Variants in COL8A1 observed in about 807,000 individuals in gnomAD.
The protein encoded by COL8A1 is collagen type VIII alpha 1 chain, also known as collagen alpha-1(VIII) chain.
A neutral mutation model predicts 42.7 loss-of-function variants in COL8A1; 21 were observed. The ratio of observed to expected loss-of-function variants is 0.49; its 90% CI spans 0.35 to 0.71. COL8A1 has a LOEUF of 0.71. Ranked by LOEUF, COL8A1 falls within the 30% of genes least tolerant of loss-of-function variation. COL8A1 has a pLI of 0.01. For missense variants in COL8A1, 788 were observed against 962.4 expected (o/e 0.82, Z 2.40); for synonymous variants, 367 against 369.1 (o/e 0.99, Z 0.06).
chr3:99,686,355 A>G (rs1026596723), intron 1 of COL8A1, among the ~76,000 whole-genome samples: 1 of 152,252 alleles, frequency 6.6e-6, no homozygotes, highest in African/African-American at 2.4e-5. Context: ...AAAGTAGCTA[A>G]TCATTTATTA....
intron 1 of COL8A1, among the ~76,000 whole-genome samples, chr3:99,738,819 C>T (rs1451929088): frequency 6.6e-6 from 1 of 152,224 alleles, no homozygotes; most frequent in East Asian, 1.9e-4. Context: ...ACCCCTCCCC[C>T]AGCCTCGCTG....
chr3:99,795,932 T>C lies in COL8A1; in HGVS notation c.2031T>C (p.Ala677=), dbSNP rs754460957. ...VHCKGGNVWV[A]LFKNNEPVMY... is the part of the protein sequence containing the mutation. ...GCAAGGGGGGCAACGTGTGGGTTGCTCTATTCAAGAACAACGAGCCCGTGA... is the reference window on the plus strand; with the variant it reads ...GCAAGGGGGGCAACGTGTGGGTTGCCCTATTCAAGAACAACGAGCCCGTGA... Residue 677 remains alanine (A), a synonymous_variant, in exon 4 of 4, where the codon GCT becomes GCC. Transcript: ENST00000652472. 28 of 1,614,018 alleles carry C rather than the reference T, an allele frequency of 1.7e-5. No individual in the cohort carries two copies. The highest frequency in any genetic ancestry group is 9.3e-6 in the Non-Finnish European group (11 of 1,180,016).
intron 1 of COL8A1, among the ~76,000 whole-genome samples, chr3:99,692,746 G>C (rs531870993): frequency 2.7e-4 from 41 of 152,352 alleles, no homozygotes; most frequent in Non-Finnish European, 5.3e-4. Context: ...GATCACCATA[G>C]AGCTGAAGTC....
chr3:99,694,249 G>A (rs1436689630), intron 1 of COL8A1, among the ~76,000 whole-genome samples: 4 of 152,124 alleles, frequency 2.6e-5, no homozygotes, highest in Admixed American at 2.0e-4. Flanking sequence ...TTGGGAGACT[G>A]AGGCAGGCAG....
intron 1 of COL8A1, among the ~76,000 whole-genome samples, chr3:99,639,498 T>C (rs1006603462): frequency 2.0e-5 from 3 of 152,236 alleles, no homozygotes; most frequent in African/African-American, 7.2e-5. Flanking sequence ...CTTTGGAAGT[T>C]TTAATCCTTC....
intron 1 of COL8A1, among the ~76,000 whole-genome samples, chr3:99,689,742 A>G (rs1276230831): frequency 6.6e-6 from 1 of 150,568 alleles, no homozygotes; most frequent in African/African-American, 2.4e-5. Context: ...CACATATGAT[A>G]CTTTGAAAAA....
intron 1 of COL8A1, among the ~76,000 whole-genome samples, chr3:99,684,955 C>T (rs1939003771): frequency 6.6e-6 from 1 of 152,170 alleles, no homozygotes; most frequent in Non-Finnish European, 1.5e-5. Flanking sequence ...CTTTTCTACC[C>T]ACTTCCTCCA....
intron 1 of COL8A1, among the ~76,000 whole-genome samples, chr3:99,658,107 T>C (rs1576416989): frequency 1.5e-5 from 2 of 134,446 alleles, no homozygotes; most frequent in Non-Finnish European, 3.2e-5. Context: ...AGAGCAAGAC[T>C]CCATCTCAAA....
intron 1 of COL8A1, among the ~76,000 whole-genome samples, chr3:99,684,733 T>C (rs1332361123): frequency 6.6e-6 from 1 of 152,212 alleles, no homozygotes; most frequent in Non-Finnish European, 1.5e-5. Flanking sequence ...AGTAATTTTC[T>C]GAACGGGAAT....
Position 99,738,959 on chromosome 3 carries a change from A to G in COL8A1, c.-128-5938A>G, listed in dbSNP as rs1000021566. 2.6e-5 allele frequency among the ~76,000 whole-genome samples: 4 copies of G among 152,168 alleles called. No individual in the cohort carries two copies. In the South Asian group the frequency reaches 6.2e-4, roughly 24 times the overall value. On this transcript the variant is annotated intron_variant, in intron 1 of 3. Coordinates refer to ENST00000652472, the MANE Select transcript of COL8A1 (RefSeq NM_020351.4). The stretch of plus-strand genomic sequence containing the variant: ...TTTTTTAAGCCCGTCAGAAAAGCGC[A>G]GTATTTGGGTGGGAGTGACCCAATT...
chr3:99,731,657 G>A (rs528820900), intron 1 of COL8A1, among the ~76,000 whole-genome samples: 13 of 152,118 alleles, frequency 8.5e-5, no homozygotes, highest in Non-Finnish European at 1.6e-4. Context: ...GTGTGTTTAA[G>A]GCAATTGCAA....
chr3:99,674,968 C>T (rs2107317148), intron 1 of COL8A1, among the ~76,000 whole-genome samples: 1 of 152,160 alleles, frequency 6.6e-6, no homozygotes, highest in Non-Finnish European at 1.5e-5. Context: ...AGTTTTCTTT[C>T]GGGGAATACT....
chr3:99,660,369 A>G (rs1040897226), intron 1 of COL8A1, among the ~76,000 whole-genome samples: 2 of 152,184 alleles, frequency 1.3e-5, no homozygotes, highest in African/African-American at 2.4e-5. Context: ...AAATATAGCC[A>G]TAAAAGAAAT....
rs143008140 is a variant in COL8A1, at chr3:99,730,482, G to C, written c.-128-14415G>C. On this transcript the variant is annotated intron_variant, in intron 1 of 3. Coordinates refer to ENST00000652472, the MANE Select transcript of COL8A1 (RefSeq NM_020351.4). ...CTGGCCACTGAAGCCCAGCCACTAA[G>C]TTTCCTGCACCCCAGAGTGAATGAT... 4.4e-3 allele frequency among the ~76,000 whole-genome samples: 674 copies of C among 152,222 alleles called. 6 individuals carry two copies. The highest frequency in any genetic ancestry group is 0.015 in the African/African-American group (631 of 41,552).
At chr3:99,715,994 C>G (rs1050324739) in intron 1 of COL8A1, among the ~76,000 whole-genome samples, 1 of 151,976 alleles carries the variant, frequency 6.6e-6, no homozygotes, top group African/African-American at 2.4e-5. Flanking sequence ...TCTCAGAATG[C>G]CTTTATTACA....
intron 2 of COL8A1, among the ~76,000 whole-genome samples, chr3:99,784,654 T>C (rs1393801519): frequency 6.6e-6 from 1 of 152,202 alleles, no homozygotes; most frequent in Non-Finnish European, 1.5e-5. Context: ...GATAATGCAT[T>C]GCACCACAGT....
chr3:99,699,611 AT>A (rs1376309552), intron 1 of COL8A1, among the ~76,000 whole-genome samples: 15 of 152,286 alleles, frequency 9.8e-5, no homozygotes, highest in Admixed American at 2.0e-4. Flanking sequence ...CTTAGGCTTT[AT>A]TTTACTCTCT....
At chr3:99,659,687 G>A (rs1938139365) in intron 1 of COL8A1, among the ~76,000 whole-genome samples, 1 of 152,148 alleles carries the variant, frequency 6.6e-6, no homozygotes, top group African/African-American at 2.4e-5. Flanking sequence ...GTTCCAAGCA[G>A]TCTCATTTTT....
intron 2 of COL8A1, among the ~76,000 whole-genome samples, chr3:99,787,009 C>T (rs576238296): frequency 9.2e-5 from 14 of 152,156 alleles, no homozygotes; most frequent in Non-Finnish European, 1.6e-4. Flanking sequence ...GAGGCTTATA[C>T]ACACCACACA....
Sources: gnomAD v4.1 joint callset for allele counts (sites outside exome capture counted in the v4.1 genomes callset) on GRCh38, gnomAD v4.1.1 for gene constraint, MANE v1.5 for transcripts, NCBI Gene and HGNC (gene_info 2026-07-23, HGNC 2026-07-21) for gene names.